Variants in INSL3 observed in about 807,000 individuals in gnomAD.
INSL3 encodes the protein insulin-like 3.
A neutral mutation model predicts 5.5 loss-of-function variants in INSL3; 6 were observed. The ratio of observed to expected loss-of-function variants is 1.08; its 90% CI spans 0.59 to 2.14. The LOEUF is 2.14. Among genes scored for constraint, INSL3 ranks in the 30% most tolerant of loss-of-function variants. The probability of loss-of-function intolerance (pLI) is 0.00; values close to 1 mark genes in which losing one functional copy is unlikely to be tolerated. For missense variants in INSL3, 178 were observed against 184.7 expected, an observed-to-expected ratio of 0.96 and a Z score of 0.21; for synonymous variants, 86 against 82.1, an observed-to-expected ratio of 1.05 and a Z score of -0.26.
At chr19:17,819,248 TA>T (rs2094192130) in intron 1 of INSL3, among the ~76,000 whole-genome samples, 1 of 147,984 alleles carries the variant, frequency 6.8e-6, no homozygotes, top group African/African-American at 2.5e-5. Flanking sequence ...TATATATATA[TA>T]ATAATAATAA....
intron 1 of INSL3, 109 bp from the exon 2 acceptor site, chr19:17,817,168 T>C: frequency 9.2e-7 from 1 of 1,084,302 alleles, no homozygotes; most frequent in Admixed American, 2.0e-5. Context: ...CACCAAACAC[T>C]CATGCATGCA....
chr19:17,818,492 T>G (rs554313207), intron 1 of INSL3, among the ~76,000 whole-genome samples: 1 of 152,190 alleles, frequency 6.6e-6, no homozygotes, highest in African/African-American at 2.4e-5. Flanking sequence ...TCTGCATGCC[T>G]GTAGTCCCAG....
chr19:17,818,712 G>T (rs1488847299), intron 1 of INSL3, among the ~76,000 whole-genome samples: 1 of 152,064 alleles, frequency 6.6e-6, no homozygotes, highest in Non-Finnish European at 1.5e-5. Flanking sequence ...AAACCAGGGT[G>T]ATTTTGTTTC....
intron 1 of INSL3, among the ~76,000 whole-genome samples, chr19:17,820,106 A>G (rs139302828): frequency 0.026 from 3,884 of 151,688 alleles, 71 homozygotes; most frequent in Non-Finnish European, 0.039. Context: ...GCGAGACTCC[A>G]TCTCAAACAA....
At chr19:17,817,795 C>CAAAACA (rs2094190050) in intron 1 of INSL3, among the ~76,000 whole-genome samples, 1 of 40,316 alleles carries the variant, frequency 2.5e-5, no homozygotes, top group African/African-American at 9.9e-5. Context: ...AACTCCATCT[C>CAAAACA]AAAAAAAAAA....
intron 1 of INSL3, among the ~76,000 whole-genome samples, chr19:17,819,965 G>A (rs1359365423): frequency 6.6e-6 from 1 of 151,836 alleles, no homozygotes; most frequent in African/African-American, 2.4e-5. Context: ...GTGCATGGTA[G>A]TGGGTGACCT....
Position 17,816,560 on chromosome 19 carries a change from C to A in INSL3, c.*294G>T. ...TAAGAGACAGCAAGAAGGGGTGTTA[C>A]ACATGCAGGGAGCGGAGCGTCTGGG... On this transcript the variant is annotated 3_prime_UTR_variant, in exon 2 of 2. Coordinates refer to ENST00000317306, the MANE Select transcript of INSL3 (RefSeq NM_005543.4). 1 of 484,148 alleles carries A rather than the reference C, an allele frequency of 2.1e-6. No individual in the cohort carries two copies. The allele number at this position is 484,148 out of a possible 1,614,324, so 30.0% of individuals were successfully genotyped here. A position where few individuals can be genotyped will look rare whatever the true frequency, so the allele number is the denominator to read the frequency against.
intron 1 of INSL3, among the ~76,000 whole-genome samples, chr19:17,819,294 T>C (rs1451129376): frequency 1.3e-5 from 2 of 151,682 alleles, no homozygotes; most frequent in Non-Finnish European, 2.9e-5. Context: ...GACAAGGGTC[T>C]CTGTCTCAGG....
rs1284487682 is a variant in INSL3, at chr19:17,821,376, C to T, written c.131G>A (p.Arg44His). 32 of 1,548,494 alleles carry T rather than the reference C, an allele frequency of 2.1e-5. No individual in the cohort carries two copies. Among genetic ancestry groups the T allele is most frequent in the Non-Finnish European group, 2.4e-5 (27 of 1,146,272 alleles). The change falls in exon 1 of 2, where the codon CGC (arginine) becomes CAC (histidine). Residue 44 changes from arginine (R) to histidine (H), a missense_variant. Coordinates refer to ENST00000317306, the MANE Select transcript of INSL3 (RefSeq NM_005543.4). ...CGHHFVRALVRVCGGPRWSTE... is the reference protein window; with the variant it reads ...CGHHFVRALVHVCGGPRWSTE... ...GGACCAGCGGGGGCCCCCGCACACG[C>T]GCACTAGCGCGCGTACGAAGTGGTG...
At chr19:17,819,163 G>T (rs1403282478) in intron 1 of INSL3, among the ~76,000 whole-genome samples, 1 of 150,030 alleles carries the variant, frequency 6.7e-6, no homozygotes, top group Admixed American at 6.6e-5. Flanking sequence ...GAGTCTGGGA[G>T]GCAGAGGTTG....
chr19:17,819,736 G>A (rs2094192785), intron 1 of INSL3, among the ~76,000 whole-genome samples: 1 of 152,172 alleles, frequency 6.6e-6, no homozygotes, highest in Non-Finnish European at 1.5e-5. Flanking sequence ...CAGCTACTCA[G>A]GAGGCTGAGG....
At position 17,821,337 on chromosome 19, in the gene INSL3, C is replaced by G; in HGVS notation, c.170G>C (p.Arg57Thr). 1 of 1,548,690 alleles carries G rather than the reference C, an allele frequency of 6.5e-7. No homozygotes were observed. Among genetic ancestry groups the G allele is most frequent in the Non-Finnish European group, 8.7e-7 (1 of 1,146,764 alleles). The change falls in exon 1 of 2, where the codon AGG (arginine) becomes ACG (threonine). Residue 57 changes from arginine (R) to threonine (T), a missense_variant. Transcript: ENST00000317306. ...GGPRWSTEAR[R>T]PATGGDRELL... is the part of the protein sequence containing the mutation. ...CTCACGGTCGCCTCCGGTCGCAGGC[C>G]TCCTGGCTTCGGTGGACCAGCGGGG...
chr19:17,819,983 G>A (rs2094193172), intron 1 of INSL3, among the ~76,000 whole-genome samples: 1 of 151,720 alleles, frequency 6.6e-6, no homozygotes, highest in African/African-American at 2.4e-5. Context: ...CCTGGGGAGT[G>A]GCCTGTAATC....
intron 1 of INSL3, among the ~76,000 whole-genome samples, chr19:17,819,083 C>A (rs1412901049): frequency 3.3e-5 from 5 of 151,274 alleles, no homozygotes. Flanking sequence ...CCACGTTGGC[C>A]AGGCTGGTCT....
intron 1 of INSL3, among the ~76,000 whole-genome samples, chr19:17,818,089 G>A (rs1716187077): frequency 6.6e-6 from 1 of 152,036 alleles, no homozygotes; most frequent in South Asian, 2.1e-4. Flanking sequence ...GTGTACATGT[G>A]TCTGTGGGTC....
intron 1 of INSL3, among the ~76,000 whole-genome samples, chr19:17,818,074 C>G (rs891964863): frequency 1.3e-5 from 2 of 152,044 alleles, no homozygotes; most frequent in Non-Finnish European, 2.9e-5. Flanking sequence ...CAGAGACATG[C>G]AGGGGTGTAC....
chr19:17,816,950 A>T lies in INSL3; in HGVS notation c.300T>A (p.His100Gln). 6.2e-7 allele frequency: 1 copy of T among 1,614,066 alleles called. No homozygotes were observed. The highest frequency in any genetic ancestry group is 8.5e-7 in the Non-Finnish European group (1 of 1,180,010). The change falls in exon 2 of 2, where the codon CAT (histidine) becomes CAA (glutamine). Residue 100 changes from histidine to glutamine, a missense_variant. Coordinates refer to ENST00000317306, the MANE Select transcript of INSL3 (RefSeq NM_005543.4). Reference sequence around the variant, plus strand: ...TGGCAGCTGCACGGTGGTGGCGGTGATGGTGAGAGGTCTGGGGCAGGGGCT... The same window carrying T: ...TGGCAGCTGCACGGTGGTGGCGGTGTTGGTGAGAGGTCTGGGGCAGGGGCT... The part of the protein sequence containing the change: ...GLQPLPQTSH[H>Q]HRHHRAAATN...
At chr19:17,821,132 G>A (rs2094194894) in intron 1 of INSL3, among the ~76,000 whole-genome samples, 185 bp downstream of exon 1, 1 of 152,122 alleles carries the variant, frequency 6.6e-6, no homozygotes, top group South Asian at 2.1e-4. Context: ...ACGGCTCTGG[G>A]GACTTTCACA....
In INSL3 at chr19:17,821,452, A is replaced by G. The variant is rs1310864190; in HGVS notation, c.55T>C (p.Phe19Leu). 2 of 1,539,570 alleles carry G rather than the reference A, an allele frequency of 1.3e-6. No individual in the cohort carries two copies. The highest frequency in any genetic ancestry group is 8.8e-7 in the Non-Finnish European group (1 of 1,139,696). Residue 19 changes from phenylalanine (F) to leucine (L), a missense_variant, in exon 1 of 2, where the codon TTC (phenylalanine) becomes CTC (leucine). Transcript: ENST00000317306. Reference sequence around the variant, plus strand: ...GGGGTGGGCGCGGGGCCCAACGCGAACACCAGGGCAGGGCCCAGCAGCACC... The same window carrying G: ...GGGGTGGGCGCGGGGCCCAACGCGAGCACCAGGGCAGGGCCCAGCAGCACC... Reference protein sequence around the residue: ...ALVLLGPALVFALGPAPTPEM... With the variant: ...ALVLLGPALVLALGPAPTPEM...
Sources: allele counts gnomAD v4.1 joint callset (sites outside exome capture counted in the v4.1 genomes callset), GRCh38; gene constraint gnomAD v4.1.1; transcripts MANE v1.5; gene names NCBI Gene and HGNC (gene_info 2026-07-23, HGNC 2026-07-21).